Variants in GNG12 observed in about 807,000 individuals in gnomAD.
GNG12 encodes G protein subunit gamma 12.
For missense variants in GNG12, 69 were observed against 83.8 expected (o/e 0.82, Z 0.69); for synonymous variants, 28 against 29.7 (o/e 0.94, Z 0.19).
intron 2 of GNG12, among the ~76,000 whole-genome samples, chr1:67,769,140 G>A (rs1237628470): frequency 6.6e-6 from 1 of 152,130 alleles, no homozygotes; most frequent in Non-Finnish European, 1.5e-5. Context: ...TACATTCTTA[G>A]GCCACTGCAC....
chr1:67,720,145 A>G (rs1646348770), intron 2 of GNG12, among the ~76,000 whole-genome samples: 1 of 152,198 alleles, frequency 6.6e-6, no homozygotes. Flanking sequence ...TGATGTTTCC[A>G]TGCATTTGAT....
chr1:67,804,203 T>C (rs928454050), intron 1 of GNG12, among the ~76,000 whole-genome samples: 7 of 152,222 alleles, frequency 4.6e-5, no homozygotes, highest in Non-Finnish European at 8.8e-5. Flanking sequence ...ATGATACTAT[T>C]ACTTTCTCCA....
intron 3 of GNG12, among the ~76,000 whole-genome samples, chr1:67,706,612 G>A (rs2100665614): frequency 6.6e-6 from 1 of 151,966 alleles, no homozygotes; most frequent in African/African-American, 2.4e-5. Context: ...CAGGCCCAGA[G>A]GAATGGATCA....
intron 1 of GNG12, among the ~76,000 whole-genome samples, chr1:67,813,681 C>G (rs112331215): frequency 1.9e-5 from 2 of 103,944 alleles, no homozygotes; most frequent in Admixed American, 2.4e-4. Context: ...ACATGGAATA[C>G]GATGAGAATA....
At chr1:67,815,879 G>C (rs949157179) in intron 1 of GNG12, among the ~76,000 whole-genome samples, 8 of 152,156 alleles carry the variant, frequency 5.3e-5, no homozygotes, top group African/African-American at 1.7e-4. Flanking sequence ...CAGAGACTTA[G>C]AGTACACTCC....
intron 1 of GNG12, among the ~76,000 whole-genome samples, chr1:67,807,137 A>G (rs955058372): frequency 2.0e-5 from 3 of 152,180 alleles, no homozygotes. Flanking sequence ...CAGAAAGATA[A>G]CTTGAAAATC....
chr1:67,808,806 A>G (rs1360956350), intron 1 of GNG12, among the ~76,000 whole-genome samples: 2 of 152,188 alleles, frequency 1.3e-5, no homozygotes, highest in East Asian at 3.8e-4. Flanking sequence ...GAAGATCTAA[A>G]TGAAAGAGAG....
At chr1:67,804,162 A>G (rs1268007647) in intron 1 of GNG12, among the ~76,000 whole-genome samples, 1 of 152,232 alleles carries the variant, frequency 6.6e-6, no homozygotes, top group Non-Finnish European at 1.5e-5. Context: ...CTGAGGTCAC[A>G]TGGCATGAAT....
At chr1:67,740,426 T>C (rs555491669) in intron 2 of GNG12, among the ~76,000 whole-genome samples, 4 of 152,356 alleles carry the variant, frequency 2.6e-5, no homozygotes, top group African/African-American at 9.6e-5. Context: ...TGCTCACTTG[T>C]TTATGTATTA....
intron 1 of GNG12, among the ~76,000 whole-genome samples, chr1:67,779,906 T>C (rs1646727818): frequency 6.6e-6 from 1 of 152,144 alleles, no homozygotes. Context: ...ATGTTACTGT[T>C]GTGAATACTG....
At chr1:67,739,196 A>G (rs572503822) in intron 2 of GNG12, among the ~76,000 whole-genome samples, 9 of 152,246 alleles carry the variant, frequency 5.9e-5, no homozygotes, top group African/African-American at 2.2e-4. Flanking sequence ...AAACAAAAAC[A>G]AAAAAACCCC....
At chr1:67,779,344 C>T (rs1425886436) in intron 1 of GNG12, among the ~76,000 whole-genome samples, 1 of 152,196 alleles carries the variant, frequency 6.6e-6, no homozygotes, top group Non-Finnish European at 1.5e-5. Context: ...GCTGAGGCCA[C>T]TCAAAGTGCT....
At chr1:67,788,045 A>G (rs1463662847) in intron 1 of GNG12, among the ~76,000 whole-genome samples, 1 of 152,228 alleles carries the variant, frequency 6.6e-6, no homozygotes, top group Non-Finnish European at 1.5e-5. Flanking sequence ...GTGCAAAGTT[A>G]CATGTGACTG....
intron 2 of GNG12, among the ~76,000 whole-genome samples, chr1:67,755,336 A>G (rs1458149001): frequency 6.6e-6 from 1 of 152,248 alleles, no homozygotes; most frequent in African/African-American, 2.4e-5. Context: ...GCTCAAACAG[A>G]TTACAGATTC....
chr1:67,751,222 C>A (rs1308277837), intron 2 of GNG12, among the ~76,000 whole-genome samples: 1 of 150,488 alleles, frequency 6.6e-6, no homozygotes. Flanking sequence ...CGTGCATATA[C>A]ACACACGTTT....
At chr1:67,778,679 G>T (rs1338521704) in intron 1 of GNG12, among the ~76,000 whole-genome samples, 1 of 152,154 alleles carries the variant, frequency 6.6e-6, no homozygotes, top group South Asian at 2.1e-4. Context: ...GCACAGAGGG[G>T]TTACATTATT....
intron 1 of GNG12, among the ~76,000 whole-genome samples, chr1:67,817,095 C>T (rs1411725290): frequency 2.6e-5 from 4 of 152,140 alleles, no homozygotes; most frequent in East Asian, 1.9e-4. Context: ...CTGAATTCAA[C>T]GGGTACAATA....
At chr1:67,735,860 A>T (rs903636119) in intron 2 of GNG12, among the ~76,000 whole-genome samples, 3 of 152,150 alleles carry the variant, frequency 2.0e-5, no homozygotes, top group Admixed American at 6.5e-5. Context: ...ATATTTTTTT[A>T]AAAATAGTTC....
rs1034697761 is a variant in GNG12, at chr1:67,703,116, C to T, written c.*2335G>A. 1 of 152,152 alleles carries T rather than the reference C, an allele frequency of 6.6e-6. No individual in the cohort carries two copies. The highest frequency in any genetic ancestry group is 1.5e-5 in the Non-Finnish European group (1 of 68,022). 9.4% of individuals were successfully genotyped at this position (152,152 alleles called of 1,614,324 possible). A position where few individuals can be genotyped will look rare whatever the true frequency, so the allele number is the denominator to read the frequency against. On this transcript the variant is annotated 3_prime_UTR_variant, in exon 4 of 4. Transcript: ENST00000370982. ...AACATTTAGCTACAACTTTTCCTCTCTTGGGTCCAGCATCAAAAGATTTGA... is the reference window on the plus strand; with the variant it reads ...AACATTTAGCTACAACTTTTCCTCTTTTGGGTCCAGCATCAAAAGATTTGA...
Sources: gnomAD v4.1 joint callset for allele counts (sites outside exome capture counted in the v4.1 genomes callset) on GRCh38, gnomAD v4.1.1 for gene constraint, MANE v1.5 for transcripts, NCBI Gene and HGNC (gene_info 2026-07-23, HGNC 2026-07-21) for gene names.